FILIP1: variants seen among roughly 807,000 people sequenced by gnomAD.
FILIP1 encodes the protein filamin A interacting protein 1.
Under a neutral mutation model 102.1 loss-of-function variants are expected in FILIP1, and 61 were observed. The ratio of observed to expected loss-of-function variants is 0.60; its 90% CI spans 0.49 to 0.74. The LOEUF is 0.74. FILIP1 is among the 30% of genes least tolerant of loss of function. FILIP1 has a pLI of 0.00. For synonymous variants in FILIP1, 491 were observed against 526.9 expected (o/e 0.93, Z 0.93); for missense variants, 1,314 against 1,441.2 (o/e 0.91, Z 1.43).
At chr6:75,378,901 T>C (rs921742677) in intron 2 of FILIP1, among the ~76,000 whole-genome samples, 7 of 152,286 alleles carry the variant, frequency 4.6e-5, no homozygotes, top group African/African-American at 1.7e-4. Context: ...GGTACCAACA[T>C]AGGTTTTGCC....
chr6:75,307,466 A>C (rs778818077), downstream of FILIP1, among the ~76,000 whole-genome samples: 6 of 152,200 alleles, frequency 3.9e-5, no homozygotes, highest in Non-Finnish European at 8.8e-5. Flanking sequence ...AAGTTCACTC[A>C]GTTGGCTCAA....
chr6:75,423,236 G>A, intron 1 of FILIP1, among the ~76,000 whole-genome samples: 1 of 152,178 alleles, frequency 6.6e-6, no homozygotes, highest in Non-Finnish European at 1.5e-5. Flanking sequence ...AGCTTGATAA[G>A]TGGGTGCCTC....
intron 4 of FILIP1, among the ~76,000 whole-genome samples, chr6:75,330,356 T>G (rs1774032299): frequency 6.6e-6 from 1 of 152,174 alleles, no homozygotes; most frequent in Admixed American, 6.6e-5. Context: ...TTTTGTTTTG[T>G]ATTTCTTAGC....
intron 4 of FILIP1, among the ~76,000 whole-genome samples, chr6:75,332,479 A>G (rs985863971): frequency 2.6e-5 from 4 of 152,192 alleles, no homozygotes; most frequent in African/African-American, 9.7e-5. Context: ...TCTCCCTTCC[A>G]GGTGGCCCCT....
chr6:75,312,552 G>C lies in FILIP1; in HGVS notation c.3280C>G (p.Pro1094Ala). 1 of 1,614,194 alleles carries C rather than the reference G, an allele frequency of 6.2e-7. No homozygotes were observed. Among genetic ancestry groups the C allele is most frequent in the Non-Finnish European group, 8.5e-7 (1 of 1,180,024 alleles). ...TCCTTTTCGGCTGTCACGTTTACTG[G>C]TCGGACAGTAATAACTGGACTGACT... ...EGVSPVITVR[P>A]VNVTAEKEVS... The change falls in exon 5 of 6, where the codon CCA becomes GCA. Residue 1094 changes from proline to alanine, a missense_variant. By Grantham distance (27) the Pro-to-Ala change is conservative. Transcript: ENST00000237172.
chr6:75,470,678 GACTA>G (rs1290537903), intron 1 of FILIP1, among the ~76,000 whole-genome samples: 2 of 152,068 alleles, frequency 1.3e-5, no homozygotes, highest in Non-Finnish European at 2.9e-5. Context: ...AAATCAATGA[GACTA>G]ACTAGCTATC....
At chr6:75,407,441 T>C (rs1776904692) in intron 2 of FILIP1, among the ~76,000 whole-genome samples, 1 of 152,164 alleles carries the variant, frequency 6.6e-6, no homozygotes, top group Non-Finnish European at 1.5e-5. Flanking sequence ...TTAGCCAGGA[T>C]GGTCTCCATC....
intron 1 of FILIP1, among the ~76,000 whole-genome samples, chr6:75,430,619 A>T (rs562167411): frequency 6.6e-6 from 1 of 152,218 alleles, no homozygotes; most frequent in Non-Finnish European, 1.5e-5. Context: ...AAGCAAATTT[A>T]AAAAATAAAA....
At chr6:75,421,019 CTTG>C (rs1257401221) in intron 1 of FILIP1, among the ~76,000 whole-genome samples, 2 of 152,120 alleles carry the variant, frequency 1.3e-5, no homozygotes, top group Non-Finnish European at 2.9e-5. Flanking sequence ...TTTAGATACA[CTTG>C]TTGTTAACAG....
Position 75,314,135 on chromosome 6 carries a change from T to C in FILIP1, c.1697A>G (p.Tyr566Cys). The change falls in exon 5 of 6, where the codon TAC (tyrosine) becomes TGC (cysteine). Residue 566 changes from tyrosine to cysteine, a missense_variant. Around this residue, in one of 3 missense-constraint regions of FILIP1, gnomAD observed 816 missense variants for 913.1 expected, o/e 0.89. Transcript: ENST00000237172. ...KLKSEMEEKV[Y>C]NLTRERDELI... ...CTCATCTCTTTCTCTTGTCAAGTTG[T>C]ATACTTTTTCCTCCATTTCAGATTT... 1 of 1,523,104 alleles carries C rather than the reference T, an allele frequency of 6.6e-7. No individual in the cohort carries two copies. Among genetic ancestry groups the C allele is most frequent in the Non-Finnish European group, 8.7e-7 (1 of 1,146,070 alleles). The allele number at this position is 1,523,104 out of a possible 1,614,324, so 94.3% of individuals were successfully genotyped here.
At chr6:75,381,735 G>C (rs1775911422) in intron 2 of FILIP1, among the ~76,000 whole-genome samples, 1 of 152,058 alleles carries the variant, frequency 6.6e-6, no homozygotes, top group South Asian at 2.1e-4. Context: ...ATATTTTGCA[G>C]GAAAGGACAG....
At chr6:75,359,569 A>G (rs963142927) in intron 3 of FILIP1, among the ~76,000 whole-genome samples, 1 of 152,244 alleles carries the variant, frequency 6.6e-6, no homozygotes, top group African/African-American at 2.4e-5. Flanking sequence ...GAGGGAGTCC[A>G]CATAATGAAG....
At chr6:75,333,865 T>C (rs1308672780) in intron 4 of FILIP1, among the ~76,000 whole-genome samples, 1 of 152,184 alleles carries the variant, frequency 6.6e-6, no homozygotes, top group Non-Finnish European at 1.5e-5. Flanking sequence ...TACACAATTG[T>C]TTAACATAAT....
intron 1 of FILIP1, among the ~76,000 whole-genome samples, chr6:75,466,975 TTTATCAGAAAAGGTTA>T (rs1779188365): frequency 6.6e-6 from 1 of 152,226 alleles, no homozygotes; most frequent in African/African-American, 2.4e-5. Context: ...TACCACTTTG[TTTATCAGAAAAGGTTA>T]TTAACAGCTA....
intron 2 of FILIP1, among the ~76,000 whole-genome samples, chr6:75,385,327 G>C (rs1374292297): frequency 6.6e-6 from 1 of 151,920 alleles, no homozygotes; most frequent in African/African-American, 2.4e-5. Context: ...AGCAATTTTT[G>C]GCAAAATTAA....
At chr6:75,352,882 G>A (rs1326186213) in intron 4 of FILIP1, among the ~76,000 whole-genome samples, 3 of 150,138 alleles carry the variant, frequency 2.0e-5, no homozygotes, top group Admixed American at 2.0e-4. Context: ...AAATGTAAGT[G>A]CTTCATTGAT....
chr6:75,331,031 A>G (rs373212871), intron 4 of FILIP1, among the ~76,000 whole-genome samples: 1 of 152,338 alleles, frequency 6.6e-6, no homozygotes, highest in East Asian at 1.9e-4. Flanking sequence ...TACGTCTTGG[A>G]GATGATTACA....
intron 4 of FILIP1, among the ~76,000 whole-genome samples, chr6:75,321,183 C>T (rs1480899328): frequency 2.0e-5 from 3 of 152,134 alleles, no homozygotes; most frequent in Non-Finnish European, 2.9e-5. Flanking sequence ...GTTGGGATTA[C>T]AATTGTGAGT....
At chr6:75,330,843 G>T (rs1774055414) in intron 4 of FILIP1, among the ~76,000 whole-genome samples, 1 of 152,070 alleles carries the variant, frequency 6.6e-6, no homozygotes, top group Non-Finnish European at 1.5e-5. Context: ...ATGGGCCTTG[G>T]AACTAGTTGT....
Sources: allele counts gnomAD v4.1 joint callset (sites outside exome capture counted in the v4.1 genomes callset), GRCh38; gene constraint gnomAD v4.1.1; regional missense constraint gnomAD v4.1.1; transcripts MANE v1.5; gene names NCBI Gene and HGNC (gene_info 2026-07-23, HGNC 2026-07-21).